The following NLRX1 variants were observed in gnomAD, a reference collection of about 807,000 sequenced individuals.
NLRX1 encodes the protein NOD-like receptor X1.
A neutral mutation model predicts 74.2 loss-of-function variants in NLRX1; 67 were observed. The observed-to-expected ratio is 0.90, with a 90% CI of 0.74 to 1.11. The LOEUF (loss-of-function observed/expected upper bound fraction) is 1.11. NLRX1 is among the 50% of genes least tolerant of loss of function. NLRX1 has a pLI of 0.00. For missense variants in NLRX1, 1,191 were observed against 1,305.4 expected, an observed-to-expected ratio of 0.91 and a Z score of 1.35; for synonymous variants, 506 against 559.1, an observed-to-expected ratio of 0.91 and a Z score of 1.34.
chr11:119,170,809 C>T (rs999893085), intron 1 of NLRX1, among the ~76,000 whole-genome samples: 5 of 152,168 alleles, frequency 3.3e-5, no homozygotes, highest in Admixed American at 2.0e-4. Flanking sequence ...CAGGGTGGAA[C>T]TCAGGGAAAG....
At chr11:119,171,046 G>A (rs1390334146) in intron 1 of NLRX1, among the ~76,000 whole-genome samples, 7 of 152,230 alleles carry the variant, frequency 4.6e-5, no homozygotes, top group Non-Finnish European at 1.0e-4. Flanking sequence ...GGGAGGCTGA[G>A]GCAGGAGAAT....
intron 6 of NLRX1, 69 bp from the exon 7 acceptor site, chr11:119,179,624 T>G: frequency 8.3e-7 from 1 of 1,205,584 alleles, no homozygotes; most frequent in Non-Finnish European, 1.1e-6. Flanking sequence ...GAGTGTACCT[T>G]AAGCTGAACC....
At position 119,174,979 on chromosome 11, in the gene NLRX1, C is replaced by T. The variant is rs140142940; in HGVS notation, c.1376C>T (p.Thr459Met). 87 of 1,614,026 alleles carry T rather than the reference C, an allele frequency of 5.4e-5. 1 individual carries two copies. Among genetic ancestry groups the T allele is most frequent in the East Asian group, 8.9e-5 (4 of 44,880 alleles). ...VCGCLEAGIRTEEEFQLLHIF... is the reference protein window; with the variant it reads ...VCGCLEAGIRMEEEFQLLHIF... ...GGCTGCCTGGAGGCTGGCATCAGGACGGAGGAGGAGTTTCAGCTGCTGCAC... is the reference window on the plus strand; with the variant it reads ...GGCTGCCTGGAGGCTGGCATCAGGATGGAGGAGGAGTTTCAGCTGCTGCAC... The change falls in exon 6 of 10, where the codon ACG becomes ATG. Residue 459 changes from threonine (T) to methionine (M), a missense_variant. Coordinates refer to ENST00000409109, the MANE Select transcript of NLRX1 (RefSeq NM_001282144.2).
At chr11:119,171,305 G>C in intron 1 of NLRX1, 51 bp from the exon 2 acceptor site, 1 of 1,330,344 alleles carries the variant, frequency 7.5e-7, no homozygotes. Context: ...GGGGTTAGGG[G>C]TGCAGGGGAG....
At position 119,168,810 on chromosome 11, in the gene NLRX1, A is replaced by T. The variant is rs886629013; in HGVS notation, c.-541A>T. The T allele has an allele frequency of 3.3e-5, 5 of 152,180 alleles. No individual in the cohort carries two copies. The highest frequency in any genetic ancestry group is 1.2e-4 in the African/African-American group (5 of 41,426). 9.4% of individuals were successfully genotyped at this position (152,180 alleles called of 1,614,324 possible). Reference sequence around the variant, plus strand: ...TCCAGCCCTGCGCCTGCTCCGGAGCACCGGGCCCCTCTCGCTGACCCCCTC... The same window carrying T: ...TCCAGCCCTGCGCCTGCTCCGGAGCTCCGGGCCCCTCTCGCTGACCCCCTC... On this transcript the variant is annotated 5_prime_UTR_variant, in exon 1 of 10. Transcript: ENST00000409109.
At chr11:119,176,159 C>T (rs921307395) in intron 6 of NLRX1, among the ~76,000 whole-genome samples, 1 of 152,164 alleles carries the variant, frequency 6.6e-6, no homozygotes, top group Non-Finnish European at 1.5e-5. Context: ...TTTGTTTTCT[C>T]TAGGAATGTT....
intron 6 of NLRX1, 66 bp downstream of exon 6, chr11:119,175,340 C>T (rs531599027): frequency 3.1e-5 from 43 of 1,408,112 alleles, no homozygotes; most frequent in East Asian, 4.6e-5. Context: ...AAGCCGCCCA[C>T]GCCCCCACAT....
intron 6 of NLRX1, among the ~76,000 whole-genome samples, chr11:119,178,641 C>T (rs1948754727): frequency 6.6e-6 from 1 of 151,350 alleles, no homozygotes; most frequent in African/African-American, 2.4e-5. Context: ...GTAGCATTAG[C>T]CAAAGGAAGA....
chr11:119,174,962 GGA>G lies in NLRX1; in HGVS notation c.1361_1362del (p.Glu454GlyfsTer70), dbSNP rs1313096000. On this transcript the variant is annotated frameshift_variant, in exon 6 of 10. Transcript: ENST00000409109. LOFTEE classifies it high-confidence loss of function. ...CTGAAGAGGATGTCTGTGGCTGCCT[GGA>G]GGCTGGCATCAGGACGGAGGAGGAG... ...FSEEDVCGCL[E>X]AGIRTEEEFQ... is the part of the protein sequence containing the mutation. 4 of 1,613,938 alleles carry G rather than the reference GGA, an allele frequency of 2.5e-6. No individual in the cohort carries two copies. The highest frequency in any genetic ancestry group is 3.4e-6 in the Non-Finnish European group (4 of 1,180,058).
At position 119,173,626 on chromosome 11, in the gene NLRX1, C is replaced by A; in HGVS notation, c.377C>A (p.Pro126Gln). ...AGTACCCCTGATGAGCTACTTCGCCCACCCGCGGAGCTGGCCCTGGAGCAT... is the reference window on the plus strand; with the variant it reads ...AGTACCCCTGATGAGCTACTTCGCCAACCCGCGGAGCTGGCCCTGGAGCAT... Reference protein sequence around the residue: ...RESTPDELLRPPAELALEHQP... With the variant: ...RESTPDELLRQPAELALEHQP... Residue 126 changes from proline to glutamine, a missense_variant, in exon 5 of 10, where the codon CCA (proline) becomes CAA (glutamine). Transcript: ENST00000409109. The surrounding 1 kb of genome is among the most constrained non-coding windows in gnomAD (Gnocchi z 4.0). 1.2e-6 allele frequency: 2 copies of A among 1,614,124 alleles called. No homozygotes were observed. Among genetic ancestry groups the A allele is most frequent in the South Asian group, 2.2e-5 (2 of 91,090 alleles).
intron 6 of NLRX1, among the ~76,000 whole-genome samples, chr11:119,178,944 C>T (rs770099022): frequency 6.6e-6 from 1 of 152,106 alleles, no homozygotes; most frequent in Non-Finnish European, 1.5e-5. Flanking sequence ...CTCGGCCTCC[C>T]TAAGTGCTGG....
Position 119,173,904 on chromosome 11 carries a change from C to T in NLRX1, c.655C>T (p.Arg219Cys), listed in dbSNP as rs368929574. The T allele has an allele frequency of 9.9e-5, 159 of 1,613,454 alleles. No homozygotes were observed. The highest frequency in any genetic ancestry group is 1.3e-4 in the African/African-American group (10 of 75,050). Residue 219 changes from arginine (R) to cysteine (C), a missense_variant, in exon 5 of 10, where the codon CGC (arginine) becomes TGC (cysteine). Coordinates refer to ENST00000409109, the MANE Select transcript of NLRX1 (RefSeq NM_001282144.2). This position sits in a 1 kb window ranked among gnomAD's most constrained non-coding sequence, Gnocchi z 4.0. ...CTCCCTGTGCCAACTTGTGGCCCAG[C>T]GCTACACGCCCCTGAAGGAGGTTCT... ...PASLCQLVAQRYTPLKEVLPL... is the reference protein window; with the variant it reads ...PASLCQLVAQCYTPLKEVLPL...
Position 119,173,375 on chromosome 11 carries a change from C to T in NLRX1, c.230-104C>T. 1 of 1,254,574 alleles carries T rather than the reference C, an allele frequency of 8.0e-7. No individual in the cohort carries two copies. The highest frequency in any genetic ancestry group is 1.1e-6 in the Non-Finnish European group (1 of 902,440). The allele number at this position is 1,254,574 out of a possible 1,614,324, so 77.7% of individuals were successfully genotyped here. Reference sequence around the variant, plus strand: ...TGCCCACCATTGTGGGCCCCAGCATCTATGCCGTGATGTCCCAGCCTGACC... The same window carrying T: ...TGCCCACCATTGTGGGCCCCAGCATTTATGCCGTGATGTCCCAGCCTGACC... On this transcript the variant is annotated intron_variant, in intron 4 of 9. Coordinates refer to ENST00000409109, the MANE Select transcript of NLRX1 (RefSeq NM_001282144.2). This position sits in a 1 kb window ranked among gnomAD's most constrained non-coding sequence, Gnocchi z 4.0.
intron 1 of NLRX1, among the ~76,000 whole-genome samples, chr11:119,169,640 G>A (rs1344267212): frequency 6.6e-6 from 1 of 152,224 alleles, no homozygotes; most frequent in African/African-American, 2.4e-5. Context: ...ATTTAAGTGA[G>A]TTCAGAGGCC....
chr11:119,172,528 A>G, intron 3 of NLRX1, 103 bp downstream of exon 3: 1 of 849,648 alleles, frequency 1.2e-6, no homozygotes, highest in Non-Finnish European at 2.0e-6. Flanking sequence ...GACCTTGGGG[A>G]GGGGCTTGGT....
rs528800233 is a variant in NLRX1, at chr11:119,183,964, G to C, written c.*525G>C. The C allele has an allele frequency of 1.3e-6, 1 of 771,464 alleles. No homozygotes were observed. The highest frequency in any genetic ancestry group is 2.4e-6 in the Non-Finnish European group (1 of 411,658). The allele number at this position is 771,464 out of a possible 1,614,324, so 47.8% of individuals were successfully genotyped here. On this transcript the variant is annotated 3_prime_UTR_variant, in exon 10 of 10. Coordinates refer to ENST00000409109, the MANE Select transcript of NLRX1 (RefSeq NM_001282144.2). The surrounding 1 kb of genome is among the most constrained non-coding windows in gnomAD (Gnocchi z 5.7). ...TGGTATGATGGCTTGGTAGCCCCTC[G>C]AGGCAGATGCACCTGACTTGCTGCT...
In NLRX1 at chr11:119,174,963, G is replaced by A. The variant is rs1364095095; in HGVS notation, c.1360G>A (p.Glu454Lys). 3 of 1,613,944 alleles carry A rather than the reference G, an allele frequency of 1.9e-6. No individual in the cohort carries two copies. The highest frequency in any genetic ancestry group is 2.7e-5 in the African/African-American group (2 of 74,950). Residue 454 changes from glutamate to lysine, a missense_variant, in exon 6 of 10, where the codon GAG becomes AAG. By Grantham distance (56) the Glu-to-Lys change is moderately conservative. Transcript: ENST00000409109. ...TGAAGAGGATGTCTGTGGCTGCCTGGAGGCTGGCATCAGGACGGAGGAGGA... is the reference window on the plus strand; with the variant it reads ...TGAAGAGGATGTCTGTGGCTGCCTGAAGGCTGGCATCAGGACGGAGGAGGA... ...FSEEDVCGCL[E>K]AGIRTEEEFQ...
Position 119,173,487 on chromosome 11 carries a change from C to T in NLRX1, c.238C>T (p.Gln80Ter), listed in dbSNP as rs745958060. The T allele has an allele frequency of 1.7e-5, 28 of 1,613,210 alleles. No individual in the cohort carries two copies. Among genetic ancestry groups the T allele is most frequent in the Non-Finnish European group, 2.1e-5 (25 of 1,179,834 alleles). ...CTTATCTTCCCACTCAGAAGCTATA[C>T]AGCGGCACCGCCGGAACCTGGCTGA... ...FPSASATEAI[Q>*]RHRRNLAEWF... The change falls in exon 5 of 10, where the codon CAG becomes TAG. Residue 80 changes from glutamine (Q) to a stop codon, truncating the protein, a stop_gained. Coordinates refer to ENST00000409109, the MANE Select transcript of NLRX1 (RefSeq NM_001282144.2). LOFTEE classifies it high-confidence loss of function. This position sits in a 1 kb window ranked among gnomAD's most constrained non-coding sequence, Gnocchi z 4.0.
intron 3 of NLRX1, 88 bp from the exon 4 acceptor site, chr11:119,172,813 T>C (rs1948586762): frequency 6.3e-6 from 6 of 951,290 alleles, no homozygotes; most frequent in Non-Finnish European, 1.0e-5. Flanking sequence ...ACCAGAAGTC[T>C]AGCAGTGCAG....
Sources: allele counts gnomAD v4.1 joint callset (sites outside exome capture counted in the v4.1 genomes callset), GRCh38; gene constraint gnomAD v4.1.1; non-coding constraint Gnocchi (gnomAD v3.1); transcripts MANE v1.5; gene names NCBI Gene and HGNC (gene_info 2026-07-23, HGNC 2026-07-21).